Variants in PPIE observed in about 807,000 individuals in gnomAD.
PPIE encodes the protein peptidylprolyl isomerase E.
Under a neutral mutation model 38.4 loss-of-function variants are expected in PPIE, and 20 were observed. The observed-to-expected ratio is 0.52, with a 90% CI of 0.37 to 0.76. PPIE has a LOEUF of 0.76. Among genes scored for constraint, PPIE ranks in the 30% least tolerant of loss-of-function variants. The pLI is 0.00. For synonymous variants in PPIE, 142 were observed against 135.7 expected (o/e 1.05, Z -0.32); for missense variants, 322 against 385.8 (o/e 0.83, Z 1.39).
chr1:39,755,444 A>G lies in PPIE; in HGVS notation c.*2089A>G. On this transcript the variant is annotated 3_prime_UTR_variant, in exon 10 of 10. Transcript: ENST00000324379. ...GCTCCATGTAGCTGGGATATACTAC[A>G]TGGTTACCCCTCACCCCTATGGAGC... 1 of 985,270 alleles carries G rather than the reference A, an allele frequency of 1.0e-6. No individual in the cohort carries two copies. The highest frequency in any genetic ancestry group is 1.1e-4 in the East Asian group (1 of 8,820). The allele number at this position is 985,270 out of a possible 1,614,324, so 61.0% of individuals were successfully genotyped here.
Position 39,745,116 on chromosome 1 carries a change from C to T in PPIE, c.385-259C>T, listed in dbSNP as rs549405895. On this transcript the variant is annotated intron_variant, in intron 6 of 9. Transcript: ENST00000324379. The stretch of plus-strand genomic sequence containing the variant: ...AGGAGGAAGCAGATGCATCTGAGGG[C>T]AAGCATGATGAGATAACACCCCCGT... Among the ~76,000 whole-genome samples, 14 of 152,326 alleles carry T rather than the reference C, an allele frequency of 9.2e-5. No homozygotes were observed. The East Asian group carries it at 2.1e-3, about 23-fold the overall frequency.
chr1:39,756,925 AG>A (rs1158788055), downstream of PPIE, among the ~76,000 whole-genome samples: 3 of 152,208 alleles, frequency 2.0e-5, no homozygotes, highest in Admixed American at 6.5e-5. Context: ...CCTTTCAAAA[AG>A]GGGGCCAAGC....
Position 39,740,382 on chromosome 1 carries a change from G to T in PPIE, c.130+119G>T, listed in dbSNP as rs550772479. On this transcript the variant is annotated intron_variant, in intron 2 of 9. Transcript: ENST00000324379. ...TATGGTTAGTATACACTACAGGTAA[G>T]TTCAGGAAGGTGTCTGGTGACAGTG... 1.7e-4 allele frequency: 124 copies of T among 721,352 alleles called. No individual in the cohort carries two copies. In the African/African-American group the frequency reaches 2.1e-3, roughly 12 times the overall value. The allele number at this position is 721,352 out of a possible 1,614,324, so 44.7% of individuals were successfully genotyped here.
chr1:39,750,516 A>G (rs879381872), intron 8 of PPIE, among the ~76,000 whole-genome samples: 1 of 152,240 alleles, frequency 6.6e-6, no homozygotes, highest in Non-Finnish European at 1.5e-5. Flanking sequence ...AAATCTGAAT[A>G]TCTCAAATCT....
At chr1:39,759,685 T>G (rs759824445), downstream of PPIE, 3 of 152,270 alleles carry the variant, frequency 2.0e-5, no homozygotes, top group Admixed American at 6.5e-5. Context: ...ATGGGTCAAT[T>G]GGAAGCCCCA....
rs1166715207 is a variant in PPIE at position 39,754,968 on chromosome 1, G to C, written c.*1613G>C. The C allele has an allele frequency of 1.0e-6, 1 of 977,314 alleles. No homozygotes were observed. Among genetic ancestry groups the C allele is most frequent in the East Asian group, 1.1e-4 (1 of 8,792 alleles). 60.5% of individuals were successfully genotyped at this position (977,314 alleles called of 1,614,324 possible). ...CAAAATAGACCATCACAGTCCCAAG[G>C]CCTAAAATACTTACTATCTGAGCCT... On this transcript the variant is annotated 3_prime_UTR_variant, in exon 10 of 10. Transcript: ENST00000324379.
At position 39,738,884 on chromosome 1, in the gene PPIE, A is replaced by C; in HGVS notation, c.-17A>C. 1 of 1,513,878 alleles carries C rather than the reference A, an allele frequency of 6.6e-7. No homozygotes were observed. The highest frequency in any genetic ancestry group is 1.3e-5 in the South Asian group (1 of 77,738). The allele number at this position is 1,513,878 out of a possible 1,614,324, so 93.8% of individuals were successfully genotyped here. A position where few individuals can be genotyped will look rare whatever the true frequency, so the allele number is the denominator to read the frequency against. ...CGGGTCGAGTGCTGGCTTCCGGCGG[A>C]AAAGCGCGCGAGCAAGATGGCCACC... is the stretch of plus-strand genomic sequence containing the variant. On this transcript the variant is annotated 5_prime_UTR_variant, in exon 1 of 10. Transcript: ENST00000324379.
chr1:39,763,034 C>A (rs1649224032), intron 9 of PPIE: 2 of 1,584,860 alleles, frequency 1.3e-6, no homozygotes, highest in Admixed American at 1.7e-5. Flanking sequence ...CTGGACCAGA[C>A]CCCTCTCCAC....
intron 9 of PPIE, chr1:39,763,682 A>C: frequency 6.3e-7 from 1 of 1,580,412 alleles, no homozygotes. Context: ...GGTGATTGTC[A>C]TTTCAGAAAC....
chr1:39,739,777 G>A (rs1647013337), intron 1 of PPIE, among the ~76,000 whole-genome samples: 1 of 152,202 alleles, frequency 6.6e-6, no homozygotes, highest in Admixed American at 6.5e-5. Flanking sequence ...CAAAAAAGCT[G>A]GAGAGGTGGG....
At position 39,750,572 on chromosome 1, in the gene PPIE, G is replaced by A. The variant is rs1473835589; in HGVS notation, c.694+1484G>A. On this transcript the variant is annotated intron_variant, in intron 8 of 9. Transcript: ENST00000324379. ...TCCTTTGAGTATCATATCAGTGCTC[G>A]TGAAGTTTCAGATTTTGGGGCATTT... 2.0e-5 allele frequency among the ~76,000 whole-genome samples: 3 copies of A among 152,318 alleles called. No individual in the cohort carries two copies. In the East Asian group the frequency reaches 5.8e-4, roughly 29 times the overall value.
rs1648016865 is a variant in PPIE, at chr1:39,753,882, G to A, written c.*527G>A. On this transcript the variant is annotated 3_prime_UTR_variant, in exon 10 of 10. Coordinates refer to ENST00000324379, the MANE Select transcript of PPIE (RefSeq NM_006112.4). ...TCTTCACACCAGGCATCGATGTCAG[G>A]GCAACGGAAATTAAAGACTGGAAAG... 3 of 985,166 alleles carry A rather than the reference G, an allele frequency of 3.0e-6. No individual in the cohort carries two copies. The highest frequency in any genetic ancestry group is 3.6e-6 in the Non-Finnish European group (3 of 829,914). The allele number at this position is 985,166 out of a possible 1,614,324, so 61.0% of individuals were successfully genotyped here. A position where few individuals can be genotyped will look rare whatever the true frequency, so the allele number is the denominator to read the frequency against.
intron 7 of PPIE, chr1:39,747,455 C>CTTTTTTTTTTTTT (rs35755213): frequency 9.6e-5 from 7 of 72,972 alleles, no homozygotes; most frequent in Admixed American, 3.7e-4. Context: ...CACATCTTCT[C>CTTTTTTTTTTTTT]TTTTTTTTTT....
chr1:39,750,797 C>G (rs1647642970), intron 8 of PPIE, among the ~76,000 whole-genome samples: 1 of 152,166 alleles, frequency 6.6e-6, no homozygotes, highest in African/African-American at 2.4e-5. Context: ...TTTGGTTCTC[C>G]AGAAGCCTGT....
In PPIE at chr1:39,740,255, A is replaced by T. The variant is rs1284080272; in HGVS notation, c.122A>T (p.Tyr41Phe). The T allele has an allele frequency of 1.9e-6, 3 of 1,612,838 alleles. No individual in the cohort carries two copies. Among genetic ancestry groups the T allele is most frequent in the Non-Finnish European group, 2.5e-6 (3 of 1,178,878 alleles). The change falls in exon 2 of 10, where the codon TAT becomes TTT. Residue 41 changes from tyrosine (Y) to phenylalanine (F), a missense_variant. Tyr to Phe is a conservative substitution (Grantham distance 22). Transcript: ENST00000324379. ...ACAGATATTCAGATTCCTCTGGATT[A>T]TGAAACAGGTGAGTTAGTGTCTCTC... is the stretch of plus-strand genomic sequence containing the variant. ...DITDIQIPLD[Y>F]ETEKHRGFAF... is the part of the protein sequence containing the mutation.
intron 1 of PPIE, 52 bp downstream of exon 1, chr1:39,738,983 G>A: frequency 7.1e-7 from 1 of 1,402,324 alleles, no homozygotes; most frequent in Non-Finnish European, 9.3e-7. Context: ...ACCCCCAAGG[G>A]TCGGGGCGTG....
At position 39,745,450 on chromosome 1, in the gene PPIE, G is replaced by A. The variant is rs747985266; in HGVS notation, c.460G>A (p.Gly154Ser). Residue 154 changes from glycine to serine, a missense_variant, in exon 7 of 10, where the codon GGC becomes AGC. Coordinates refer to ENST00000324379, the MANE Select transcript of PPIE (RefSeq NM_006112.4). Reference sequence around the variant, plus strand: ...CATCAAGATTGGGAACAAGCCGGCTGGCCGCATCCAGATGCTCCTGCGTTC... The same window carrying A: ...CATCAAGATTGGGAACAAGCCGGCTAGCCGCATCCAGATGCTCCTGCGTTC... Reference protein sequence around the residue: ...MDIKIGNKPAGRIQMLLRSDV... With the variant: ...MDIKIGNKPASRIQMLLRSDV... 6.2e-7 allele frequency: 1 copy of A among 1,614,142 alleles called. No individual in the cohort carries two copies. The highest frequency in any genetic ancestry group is 1.3e-5 in the African/African-American group (1 of 74,956).
At chr1:39,741,748 A>G in intron 3 of PPIE, 147 bp from the exon 4 acceptor site, 2 of 834,122 alleles carry the variant, frequency 2.4e-6, no homozygotes, top group East Asian at 2.5e-5. Flanking sequence ...TCAGCCAGGA[A>G]GTGCTCTTTG....
At chr1:39,740,783 A>G (rs1368490363) in intron 2 of PPIE, among the ~76,000 whole-genome samples, 1 of 152,208 alleles carries the variant, frequency 6.6e-6, no homozygotes, top group Non-Finnish European at 1.5e-5. Context: ...GCCTAGTTTT[A>G]TCATCAACCT....
Sources: gnomAD v4.1 joint callset for allele counts (sites outside exome capture counted in the v4.1 genomes callset) on GRCh38, gnomAD v4.1.1 for gene constraint, MANE v1.5 for transcripts, NCBI Gene and HGNC (gene_info 2026-07-23, HGNC 2026-07-21) for gene names.